ARHGEF28: variants seen among roughly 807,000 people sequenced by gnomAD.
ARHGEF28 encodes 190 kDa guanine nucleotide exchange factor.
In ARHGEF28, 152 loss-of-function variants were observed where a neutral mutation model predicts 206.6. That is an observed-to-expected ratio of 0.74 (90% confidence interval 0.64 to 0.84). The LOEUF is 0.84. Ranked by LOEUF, ARHGEF28 falls within the 40% of genes least tolerant of loss-of-function variation. ARHGEF28 has a pLI of 0.00. For synonymous variants in ARHGEF28, 763 were observed against 776.4 expected (o/e 0.98, Z 0.29); for missense variants, 2,028 against 2,073.2 (o/e 0.98, Z 0.42).
intron 1 of ARHGEF28, among the ~76,000 whole-genome samples, chr5:73,645,561 A>G (rs188106319): frequency 2.2e-3 from 329 of 152,336 alleles, no homozygotes; most frequent in African/African-American, 7.3e-3. Context: ...AAATGGGATT[A>G]TATCTTGATA....
At chr5:73,636,735 G>A (rs1743740797) in intron 1 of ARHGEF28, among the ~76,000 whole-genome samples, 1 of 152,142 alleles carries the variant, frequency 6.6e-6, no homozygotes, top group African/African-American at 2.4e-5. Flanking sequence ...ATATAGGGTG[G>A]GTCATATCAC....
At chr5:73,738,911 G>A (rs1751188923) in intron 2 of ARHGEF28, among the ~76,000 whole-genome samples, 1 of 152,176 alleles carries the variant, frequency 6.6e-6, no homozygotes, top group South Asian at 2.1e-4. Context: ...GTGGGTTCAA[G>A]GTGAATTTGA....
At chr5:73,765,948 C>T (rs1337939529) in intron 4 of ARHGEF28, among the ~76,000 whole-genome samples, 6 of 152,148 alleles carry the variant, frequency 3.9e-5, no homozygotes, top group African/African-American at 1.2e-4. Context: ...GTCAGGAGAT[C>T]GAGACCATCT....
chr5:73,887,629 G>T lies in ARHGEF28; in HGVS notation c.3337G>T (p.Val1113Leu). Residue 1113 changes from valine (V) to leucine (L), a missense_variant, in exon 26 of 36, where the codon GTG (valine) becomes TTG (leucine). Transcript: ENST00000513042. ...KDILALLLTD[V>L]LLFLQEKDQK... ...TATCCTAGCTCTACTTCTAACTGAT[G>T]TGCTGCTCTTTTTACAAGAAAAAGA... is the stretch of plus-strand genomic sequence containing the variant. 6.4e-7 allele frequency: 1 copy of T among 1,572,500 alleles called. No individual in the cohort carries two copies. Among genetic ancestry groups the T allele is most frequent in the Non-Finnish European group, 8.6e-7 (1 of 1,157,324 alleles).
intron 9 of ARHGEF28, chr5:73,813,662 C>A (rs138030862): frequency 6.5e-7 from 1 of 1,535,696 alleles, no homozygotes; most frequent in African/African-American, 1.4e-5. Flanking sequence ...CGAAGAAGGA[C>A]GTCCAAACAA....
chr5:73,904,440 T>C (rs1366155737), intron 33 of ARHGEF28, 35 bp downstream of exon 33: 2 of 1,570,468 alleles, frequency 1.3e-6, no homozygotes, highest in South Asian at 1.1e-5. Context: ...ACCTTGTGAA[T>C]GGTTCTCTTA....
intron 2 of ARHGEF28, among the ~76,000 whole-genome samples, chr5:73,723,195 T>C (rs1750062967): frequency 1.3e-5 from 2 of 152,206 alleles, no homozygotes. Context: ...AAAAGAATTT[T>C]TTTTTTTCCT....
At chr5:73,827,719 G>T (rs1291260731) in intron 9 of ARHGEF28, among the ~76,000 whole-genome samples, 2 of 152,058 alleles carry the variant, frequency 1.3e-5, no homozygotes, top group African/African-American at 4.8e-5. Flanking sequence ...TTGAGCTTTG[G>T]CTACTTTTAT....
chr5:73,668,633 T>C (rs1746117362), intron 1 of ARHGEF28, among the ~76,000 whole-genome samples: 1 of 152,222 alleles, frequency 6.6e-6, no homozygotes, highest in Non-Finnish European at 1.5e-5. Context: ...ACCACCCATA[T>C]ACATTTTTCT....
chr5:73,814,572 G>C (rs1301208176), intron 9 of ARHGEF28, among the ~76,000 whole-genome samples: 1 of 152,084 alleles, frequency 6.6e-6, no homozygotes, highest in Non-Finnish European at 1.5e-5. Flanking sequence ...GGACGCGTGT[G>C]CTTATGTTTT....
At position 73,858,160 on chromosome 5, in the gene ARHGEF28, T is replaced by C; in HGVS notation, c.1988T>C (p.Val663Ala). 4 of 1,612,070 alleles carry C rather than the reference T, an allele frequency of 2.5e-6. No homozygotes were observed. The highest frequency in any genetic ancestry group is 3.4e-6 in the Non-Finnish European group (4 of 1,179,356). The change falls in exon 16 of 36, where the codon GTT becomes GCT. Residue 663 changes from valine (V) to alanine (A), a missense_variant. By Grantham distance (64) the Val-to-Ala change is moderately conservative. Transcript: ENST00000513042. ...HQFAPGTFSG[V>A]LQCLVCDKTL... ...TTTGCCCCAGGAACATTCTCTGGGG[T>C]TCTGCAGTGTTTGGTTTGTGATAAA... is the stretch of plus-strand genomic sequence containing the variant.
At position 73,909,826 on chromosome 5, in the gene ARHGEF28, AGCCTGCTGGGCC is replaced by A; in HGVS notation, c.4577_4588del (p.Ser1526_His1530delinsAsn). 6.5e-7 allele frequency: 1 copy of A among 1,540,346 alleles called. No homozygotes were observed. Among genetic ancestry groups the A allele is most frequent in the Non-Finnish European group, 8.7e-7 (1 of 1,154,406 alleles). ...GCAGGCGAGGATGCGGGCCCAGCAGAGCCTGCTGGGCCACTGGAAGCACGGCCGGCAGAGGAG... is the reference window on the plus strand; with the variant it reads ...GCAGGCGAGGATGCGGGCCCAGCAGAACTGGAAGCACGGCCGGCAGAGGAG... On this transcript the variant is annotated inframe_deletion, in exon 34 of 36. Coordinates refer to ENST00000513042, the MANE Select transcript of ARHGEF28 (RefSeq NM_001177693.2).
intron 18 of ARHGEF28, among the ~76,000 whole-genome samples, chr5:73,867,618 T>C (rs1230420784): frequency 2.6e-5 from 4 of 152,206 alleles, no homozygotes; most frequent in African/African-American, 9.7e-5. Context: ...GTCTTGTTTG[T>C]TTGTGCAATC....
In ARHGEF28 at chr5:73,873,264, T is replaced by G; in HGVS notation, c.2814+18T>G. ...TACAACAGGTAAGAAGAGCTTAAAG[T>G]CCTTGACCTTTATGACGTAAGTGGG... On this transcript the variant is annotated intron_variant, in intron 22 of 35. Transcript: ENST00000513042. 1 of 1,593,116 alleles carries G rather than the reference T, an allele frequency of 6.3e-7. No homozygotes were observed. Among genetic ancestry groups the G allele is most frequent in the Non-Finnish European group, 8.6e-7 (1 of 1,165,512 alleles).
intron 9 of ARHGEF28, among the ~76,000 whole-genome samples, chr5:73,825,071 AT>A (rs1756824297): frequency 1.3e-5 from 2 of 152,148 alleles, no homozygotes; most frequent in Non-Finnish European, 2.9e-5. Flanking sequence ...GCCTGCCTGT[AT>A]GGTTCTAGGT....
chr5:73,868,311 G>C, intron 20 of ARHGEF28, 84 bp downstream of exon 20: 1 of 1,415,126 alleles, frequency 7.1e-7, no homozygotes, highest in Non-Finnish European at 9.3e-7. Flanking sequence ...TAAGATTGAA[G>C]CATTTTTTTT....
At chr5:73,893,094 C>T in intron 27 of ARHGEF28, 103 bp from the exon 28 acceptor site, 1 of 968,454 alleles carries the variant, frequency 1.0e-6, no homozygotes, top group Non-Finnish European at 1.5e-6. Flanking sequence ...GAAATTTTCT[C>T]CTTTATGAAT....
At chr5:73,769,925 C>T (rs528629803) in intron 4 of ARHGEF28, among the ~76,000 whole-genome samples, 1 of 152,348 alleles carries the variant, frequency 6.6e-6, no homozygotes, top group South Asian at 2.1e-4. Context: ...ACAGCCTCCC[C>T]TATTATCAAT....
At chr5:73,901,077 G>T in intron 30 of ARHGEF28, 107 bp from the exon 31 acceptor site, 1 of 803,758 alleles carries the variant, frequency 1.2e-6, no homozygotes, top group Non-Finnish European at 2.1e-6. Context: ...TTATTTTGTG[G>T]TGTTTCCTAT....
Sources: gnomAD v4.1 joint callset for allele counts (sites outside exome capture counted in the v4.1 genomes callset) on GRCh38, gnomAD v4.1.1 for gene constraint, MANE v1.5 for transcripts, NCBI Gene and HGNC (gene_info 2026-07-23, HGNC 2026-07-21) for gene names.